The following C1orf159 variants were observed in gnomAD, a reference collection of about 807,000 sequenced individuals.
C1orf159 encodes chromosome 1 open reading frame 159, also known as uncharacterized protein C1orf159.
A neutral mutation model predicts 25.6 loss-of-function variants in C1orf159; 19 were observed. The ratio of observed to expected loss-of-function variants is 0.74; its 90% CI spans 0.52 to 1.09. The LOEUF is 1.09. Ranked by LOEUF, C1orf159 falls within the 50% of genes least tolerant of loss-of-function variation. The probability of loss-of-function intolerance (pLI) is 0.00; values close to 1 mark genes in which losing one functional copy is unlikely to be tolerated. For synonymous variants in C1orf159, 139 were observed against 124.7 expected (o/e 1.12, Z -0.77); for missense variants, 274 against 290.6 (o/e 0.94, Z 0.42).
At chr1:1,090,898 C>T in intron 3 of C1orf159, 1 of 1,550,414 alleles carries the variant, frequency 6.4e-7, no homozygotes, top group Non-Finnish European at 8.7e-7. Flanking sequence ...GGCCCATTCC[C>T]TGACCACAGG....
In C1orf159 at chr1:1,089,605, G is replaced by A. The variant is rs982893794; in HGVS notation, c.148+748C>T. 3.3e-5 allele frequency among the ~76,000 whole-genome samples: 5 copies of A among 151,982 alleles called. No homozygotes were observed. The highest frequency in any genetic ancestry group is 1.2e-4 in the African/African-American group (5 of 41,378). ...GCCGTCTTGACCACGCCCTCCTCAC[G>A]AGGCCCCTGAGTCCCCAGGAGCAGC... is the stretch of plus-strand genomic sequence containing the variant. On this transcript the variant is annotated intron_variant, in intron 4 of 9. Transcript: ENST00000421241. This position sits in a 1 kb window ranked among gnomAD's most constrained non-coding sequence, Gnocchi z 7.5.
chr1:1,100,140 C>T (rs1646079977), intron 1 of C1orf159, among the ~76,000 whole-genome samples: 1 of 152,198 alleles, frequency 6.6e-6, no homozygotes, highest in Non-Finnish European at 1.5e-5. Context: ...ACACACACCA[C>T]AGTGCATCTT....
chr1:1,090,833 G>A (rs1330035168), intron 3 of C1orf159: 1 of 1,488,392 alleles, frequency 6.7e-7, no homozygotes, highest in South Asian at 1.2e-5. Flanking sequence ...TTCACGCCCA[G>A]GTGCCCAGGT....
intron 1 of C1orf159, among the ~76,000 whole-genome samples, chr1:1,096,080 C>T (rs1384920960): frequency 2.0e-5 from 3 of 152,276 alleles, no homozygotes; most frequent in South Asian, 2.1e-4. Context: ...CCAATACCTT[C>T]GTAAGGATTT....
chr1:1,093,538 G>T (rs1220784287), intron 1 of C1orf159, among the ~76,000 whole-genome samples: 1 of 152,274 alleles, frequency 6.6e-6, no homozygotes, highest in African/African-American at 2.4e-5. Flanking sequence ...GCAGCCAGGA[G>T]CTGACCAGAC....
chr1:1,090,752 T>G (rs1307991488), intron 3 of C1orf159: 1 of 874,978 alleles, frequency 1.1e-6, no homozygotes, highest in Non-Finnish European at 1.9e-6. Context: ...CTCCGGAGGC[T>G]CTCCATCAGG....
At position 1,113,495 on chromosome 1, in the gene C1orf159, C is replaced by T. The variant is rs148844924; in HGVS notation, c.-136+2565G>A. 2.6e-3 allele frequency among the ~76,000 whole-genome samples: 403 copies of T among 152,238 alleles called. 7 individuals carry two copies. The highest frequency in any genetic ancestry group is 0.019 in the Admixed American group (294 of 15,286). ...GCAGTCTCCACCTCCGGGGCTGAAG[C>T]GATCCTCCTGCCTCAGTCCCTCGAG... On this transcript the variant is annotated intron_variant, in intron 1 of 9. Transcript: ENST00000421241.
At chr1:1,091,668 G>A (rs543683117) in intron 2 of C1orf159, 103 bp from the exon 3 acceptor site, 85 of 814,552 alleles carry the variant, frequency 1.0e-4, no homozygotes, top group African/African-American at 7.5e-4. Context: ...GGGGGGGTGC[G>A]GGCCAAGGCA....
chr1:1,104,764 C>T (rs1051406260), intron 1 of C1orf159, among the ~76,000 whole-genome samples: 6 of 151,808 alleles, frequency 4.0e-5, no homozygotes, highest in Non-Finnish European at 7.4e-5. Flanking sequence ...CTGGTCGAGC[C>T]GGGAACGCAC....
intron 1 of C1orf159, among the ~76,000 whole-genome samples, chr1:1,093,698 C>T (rs567093987): frequency 6.6e-6 from 1 of 152,386 alleles, no homozygotes; most frequent in Non-Finnish European, 1.5e-5. Flanking sequence ...TGCCCATCAC[C>T]TGCCAGTGGG....
chr1:1,092,727 C>G (rs1379156362), intron 1 of C1orf159: 1 of 152,486 alleles, frequency 6.6e-6, no homozygotes, highest in Non-Finnish European at 1.5e-5. Context: ...CAGGGACGGT[C>G]CACTCTGTCA....
At chr1:1,091,023 C>T (rs764447997) in intron 3 of C1orf159, 52 of 1,476,804 alleles carry the variant, frequency 3.5e-5, no homozygotes, top group African/African-American at 8.4e-5. Flanking sequence ...GGGGTGACTG[C>T]GGAGTGCGGG....
At position 1,090,474 on chromosome 1, in the gene C1orf159, AGGC is replaced by A. The variant is rs1031846483; in HGVS notation, c.73-49_73-47del. 15 of 1,539,476 alleles carry A rather than the reference AGGC, an allele frequency of 9.7e-6. No homozygotes were observed. The African/African-American group carries it at 1.8e-4, about 18-fold the overall frequency. On this transcript the variant is annotated intron_variant, in intron 3 of 9. Coordinates refer to ENST00000421241, the MANE Select transcript of C1orf159 (RefSeq NM_017891.5). ...AAACTCCAGGACGCGCCTGCCAGGC[AGGC>A]TCACGCCCAGAGCAGCAGCGGCTGA...
chr1:1,092,296 G>A (rs963665192), intron 1 of C1orf159, 193 bp from the exon 2 acceptor site: 11 of 230,452 alleles, frequency 4.8e-5, no homozygotes, highest in Admixed American at 1.6e-4. Flanking sequence ...CTGGCCTCCT[G>A]CGGGTGAGAG....
chr1:1,087,708 T>C lies in C1orf159; in HGVS notation c.149-111A>G. 1.2e-6 allele frequency: 1 copy of C among 822,398 alleles called. No homozygotes were observed. Among genetic ancestry groups the C allele is most frequent in the Non-Finnish European group, 1.9e-6 (1 of 522,046 alleles). 50.9% of individuals were successfully genotyped at this position (822,398 alleles called of 1,614,324 possible). On this transcript the variant is annotated intron_variant, in intron 4 of 9. Coordinates refer to ENST00000421241, the MANE Select transcript of C1orf159 (RefSeq NM_017891.5). This position sits in a 1 kb window ranked among gnomAD's most constrained non-coding sequence, Gnocchi z 8.3. ...GTGAGATAACTTTCATTCCAGATAC[T>C]AACATGCTCTGGAGGGTAGGTGGGC...
chr1:1,091,466 A>T lies in C1orf159; in HGVS notation c.72+6T>A. ...GGCCGCGTGGACACGTGAGGGGGGC[A>T]CCTACCGTGTTCTCCATGGACTTGC... On this transcript the variant is annotated splice_donor_region_variant and intron_variant, in intron 3 of 9. Coordinates refer to ENST00000421241, the MANE Select transcript of C1orf159 (RefSeq NM_017891.5). 1.9e-6 allele frequency: 3 copies of T among 1,550,048 alleles called. 1 individual carries two copies. The highest frequency in any genetic ancestry group is 8.7e-7 in the Non-Finnish European group (1 of 1,146,652).
chr1:1,084,829 C>A lies in C1orf159; in HGVS notation c.446-323G>T, dbSNP rs145028786. On this transcript the variant is annotated intron_variant, in intron 7 of 9. Coordinates refer to ENST00000421241, the MANE Select transcript of C1orf159 (RefSeq NM_017891.5). ...CAAGCCCCCCTCATGAGAAGCGTCT[C>A]CCCAGGCTCCAGGGTCCCAGGGGAA... Among the ~76,000 whole-genome samples, 45 of 152,272 alleles carry A rather than the reference C, an allele frequency of 3.0e-4. No homozygotes were observed. The East Asian group carries it at 8.7e-3, about 29-fold the overall frequency.
intron 9 of C1orf159, chr1:1,083,993 C>T (rs761170850): frequency 1.4e-5 from 22 of 1,604,626 alleles, no homozygotes; most frequent in Middle Eastern, 1.7e-4. Flanking sequence ...AGGCCGGCTG[C>T]GTCTGTCCTC....
chr1:1,100,293 G>A (rs546873541), intron 1 of C1orf159, among the ~76,000 whole-genome samples: 2 of 150,266 alleles, frequency 1.3e-5, no homozygotes, highest in Middle Eastern at 3.5e-3. Context: ...TATAATTACT[G>A]TTATGGGTAG....
Sources: gnomAD v4.1 joint callset for allele counts (sites outside exome capture counted in the v4.1 genomes callset) on GRCh38, gnomAD v4.1.1 for gene constraint, Gnocchi (gnomAD v3.1) non-coding constraint, MANE v1.5 for transcripts, NCBI Gene and HGNC (gene_info 2026-07-23, HGNC 2026-07-21) for gene names.